GPC6: variants seen among roughly 807,000 people sequenced by gnomAD.
The protein encoded by GPC6 is glypican-6.
A neutral mutation model predicts 55.2 loss-of-function variants in GPC6; 14 were observed. That is an observed-to-expected ratio of 0.25 (90% confidence interval 0.17 to 0.40). The LOEUF is 0.40. Among genes scored for constraint, GPC6 ranks in the 10% least tolerant of loss-of-function variants. The probability of loss-of-function intolerance (pLI) is 1.00; values close to 1 mark genes in which losing one functional copy is unlikely to be tolerated. For missense variants in GPC6, 641 were observed against 708.5 expected (o/e 0.90, Z 1.08); for synonymous variants, 278 against 259.6 (o/e 1.07, Z -0.68).
At chr13:94,262,194 T>A (rs1169700789) in intron 4 of GPC6, among the ~76,000 whole-genome samples, 2 of 152,120 alleles carry the variant, frequency 1.3e-5, no homozygotes, top group African/African-American at 4.8e-5. Context: ...ATTTAATTAT[T>A]GGTGGAAGTA....
chr13:93,322,410 A>G (rs1170684380), intron 1 of GPC6, among the ~76,000 whole-genome samples: 1 of 141,474 alleles, frequency 7.1e-6, no homozygotes, highest in East Asian at 2.1e-4. Context: ...ATCTAAGTTA[A>G]TTCTTTTTTT....
chr13:93,882,407 A>C (rs1484922266), intron 3 of GPC6, among the ~76,000 whole-genome samples: 1 of 152,032 alleles, frequency 6.6e-6, no homozygotes, highest in Non-Finnish European at 1.5e-5. Flanking sequence ...AGGCTCCCAA[A>C]GTGCTGGGAT....
chr13:93,588,500 A>G (rs2139502897), intron 2 of GPC6, among the ~76,000 whole-genome samples: 1 of 152,164 alleles, frequency 6.6e-6, no homozygotes, highest in African/African-American at 2.4e-5. Context: ...ACCTTCCTGT[A>G]TTGGCTGTTC....
chr13:93,844,008 T>TTTAATATACAAA (rs1192503489), intron 3 of GPC6, among the ~76,000 whole-genome samples: 2 of 152,300 alleles, frequency 1.3e-5, no homozygotes, highest in Admixed American at 6.5e-5. Context: ...ATGTTAAATA[T>TTTAATATACAAA]TTAATATACA....
chr13:93,991,255 CAGTT>C (rs1229246209), intron 3 of GPC6, among the ~76,000 whole-genome samples: 1 of 152,102 alleles, frequency 6.6e-6, no homozygotes, highest in Non-Finnish European at 1.5e-5. Flanking sequence ...TTTATTCACT[CAGTT>C]AATTTAAGAA....
At chr13:93,659,461 A>C (rs184704570) in intron 2 of GPC6, among the ~76,000 whole-genome samples, 1 of 152,130 alleles carries the variant, frequency 6.6e-6, no homozygotes, top group Non-Finnish European at 1.5e-5. Context: ...ACTTAATTAG[A>C]GTAAACCAGG....
chr13:93,506,821 G>A (rs1247931177), intron 1 of GPC6, among the ~76,000 whole-genome samples: 3 of 148,208 alleles, frequency 2.0e-5, no homozygotes, highest in African/African-American at 5.0e-5. Context: ...TGGGCGGATC[G>A]CGATGTCAGG....
At chr13:93,958,258 C>T (rs1401073729) in intron 3 of GPC6, among the ~76,000 whole-genome samples, 1 of 152,022 alleles carries the variant, frequency 6.6e-6, no homozygotes, top group Non-Finnish European at 1.5e-5. Context: ...GTTGCAATTG[C>T]TTTGGGGGAC....
At chr13:94,157,003 G>A (rs562206012) in intron 4 of GPC6, among the ~76,000 whole-genome samples, 10 of 152,206 alleles carry the variant, frequency 6.6e-5, no homozygotes, top group Admixed American at 3.9e-4. Context: ...CCCACTATGC[G>A]CGAGGAGCTG....
At chr13:93,654,092 G>A (rs1005095142) in intron 2 of GPC6, among the ~76,000 whole-genome samples, 2 of 151,972 alleles carry the variant, frequency 1.3e-5, no homozygotes, top group African/African-American at 4.8e-5. Flanking sequence ...ACGGTTAGTT[G>A]GGACCATTCT....
chr13:94,082,391 A>C (rs146138651), intron 4 of GPC6, among the ~76,000 whole-genome samples: 109 of 152,206 alleles, frequency 7.2e-4, no homozygotes, highest in African/African-American at 2.5e-3. Flanking sequence ...TTTTCAATCC[A>C]AACTTATTTC....
At chr13:93,252,630 A>C (rs1392569632) in intron 1 of GPC6, among the ~76,000 whole-genome samples, 1 of 152,112 alleles carries the variant, frequency 6.6e-6, no homozygotes, top group African/African-American at 2.4e-5. Flanking sequence ...TTCTACTCTT[A>C]TATTTTCTTG....
intron 1 of GPC6, among the ~76,000 whole-genome samples, chr13:93,418,256 CA>C (rs1434072967): frequency 6.6e-6 from 1 of 151,672 alleles, no homozygotes; most frequent in African/African-American, 2.4e-5. Context: ...AATAACCCCT[CA>C]AGCATTTATC....
intron 1 of GPC6, among the ~76,000 whole-genome samples, chr13:93,273,014 G>T (rs1877589869): frequency 6.6e-6 from 1 of 152,162 alleles, no homozygotes; most frequent in Admixed American, 6.5e-5. Flanking sequence ...TTAAGGAAAA[G>T]AAGTTTTTTA....
chr13:93,746,081 G>A (rs147848113), intron 2 of GPC6, among the ~76,000 whole-genome samples: 4 of 152,286 alleles, frequency 2.6e-5, no homozygotes, highest in East Asian at 3.9e-4. Context: ...ACCACATACC[G>A]CTTAGTCTAA....
At chr13:93,669,165 T>G (rs7322146) in intron 2 of GPC6, among the ~76,000 whole-genome samples, 74,330 of 152,050 alleles carry the variant, frequency 0.49, 20,771 homozygotes, top group Middle Eastern at 0.76. Context: ...TCTAAGTAGC[T>G]TGCCCCAGTG....
At chr13:93,693,278 C>T (rs538708523) in intron 2 of GPC6, among the ~76,000 whole-genome samples, 7 of 152,104 alleles carry the variant, frequency 4.6e-5, no homozygotes, top group South Asian at 2.1e-4. Context: ...GTAATTAATA[C>T]GTCTAAAACA....
chr13:93,629,325 A>G (rs931040014), intron 2 of GPC6, among the ~76,000 whole-genome samples: 4 of 152,154 alleles, frequency 2.6e-5, no homozygotes, highest in African/African-American at 9.7e-5. Flanking sequence ...TATATCTAGT[A>G]GAAAAATACA....
chr13:93,698,906 T>C (rs983453975), intron 2 of GPC6, among the ~76,000 whole-genome samples: 3 of 151,998 alleles, frequency 2.0e-5, no homozygotes, highest in Admixed American at 6.6e-5. Flanking sequence ...ACTACTCACA[T>C]ATCGGAAAAT....
Sources: gnomAD v4.1 joint callset for allele counts (sites outside exome capture counted in the v4.1 genomes callset) on GRCh38, gnomAD v4.1.1 for gene constraint, MANE v1.5 for transcripts, NCBI Gene and HGNC (gene_info 2026-07-23, HGNC 2026-07-21) for gene names.